ZNF385D: variants seen among roughly 807,000 people sequenced by gnomAD.
ZNF385D encodes the protein zinc finger protein 385D.
A neutral mutation model predicts 35.8 loss-of-function variants in ZNF385D; 15 were observed. The ratio of observed to expected loss-of-function variants is 0.42; its 90% CI spans 0.28 to 0.64. ZNF385D has a LOEUF of 0.64. Ranked by LOEUF, ZNF385D falls within the 30% of genes least tolerant of loss-of-function variation. The pLI, the probability that ZNF385D is intolerant of heterozygous loss-of-function variation, is 0.23. For synonymous variants in ZNF385D, 212 were observed against 186.8 expected (o/e 1.13, Z -1.10); for missense variants, 474 against 494.6 (o/e 0.96, Z 0.39).
At chr3:22,071,469 CA>C (rs1169123616) in intron 3 of ZNF385D, among the ~76,000 whole-genome samples, 14 of 152,290 alleles carry the variant, frequency 9.2e-5, no homozygotes, top group Admixed American at 3.3e-4. Context: ...ATTTATCTCT[CA>C]ACTGCACTTC....
At chr3:21,811,546 A>T (rs1443983142) in intron 3 of ZNF385D, among the ~76,000 whole-genome samples, 1 of 152,204 alleles carries the variant, frequency 6.6e-6, no homozygotes, top group Non-Finnish European at 1.5e-5. Context: ...AAAATACAAA[A>T]CAAAATGGAG....
intron 5 of ZNF385D, among the ~76,000 whole-genome samples, chr3:21,429,616 C>T (rs907595868): frequency 6.6e-5 from 10 of 151,902 alleles, no homozygotes; most frequent in African/African-American, 1.9e-4. Context: ...TTAAGTCTCT[C>T]GATTCACAGT....
chr3:22,086,572 A>T (rs942036559), intron 3 of ZNF385D, among the ~76,000 whole-genome samples: 1 of 152,198 alleles, frequency 6.6e-6, no homozygotes, highest in African/African-American at 2.4e-5. Context: ...ATGGAAGAAC[A>T]TTCCATGCTC....
chr3:22,076,460 A>T (rs1231151056), intron 3 of ZNF385D, among the ~76,000 whole-genome samples: 1 of 151,904 alleles, frequency 6.6e-6, no homozygotes, highest in Non-Finnish European at 1.5e-5. Context: ...TCAGCTTAAG[A>T]TTCATCTCCC....
In ZNF385D at chr3:21,539,583, C is replaced by A. The variant is rs2062123021; in HGVS notation, c.276+24991G>T. ...TTGTACTCTAAATGTTAAAATGATTCTCTAAATTATTGTTTCAGATTTTAT... is the reference window on the plus strand; with the variant it reads ...TTGTACTCTAAATGTTAAAATGATTATCTAAATTATTGTTTCAGATTTTAT... On this transcript the variant is annotated intron_variant, in intron 3 of 7. Coordinates refer to ENST00000281523, the MANE Select transcript of ZNF385D (RefSeq NM_024697.3). The surrounding 1 kb of genome is among the most constrained non-coding windows in gnomAD (Gnocchi z 4.0). Among the ~76,000 whole-genome samples, 1 of 151,836 alleles carries A rather than the reference C, an allele frequency of 6.6e-6. No homozygotes were observed. Among genetic ancestry groups the A allele is most frequent in the South Asian group, 2.1e-4 (1 of 4,816 alleles).
chr3:22,083,731 A>C (rs781473696), intron 3 of ZNF385D, among the ~76,000 whole-genome samples: 1 of 152,312 alleles, frequency 6.6e-6, no homozygotes, highest in Admixed American at 6.5e-5. Flanking sequence ...AATACAGAGA[A>C]CACCACAAAG....
At chr3:21,480,323 G>C (rs546623955) in intron 4 of ZNF385D, among the ~76,000 whole-genome samples, 2 of 151,908 alleles carry the variant, frequency 1.3e-5, no homozygotes, top group African/African-American at 4.8e-5. Flanking sequence ...GGCTGATCTC[G>C]AACTCCTGAC....
intron 3 of ZNF385D, among the ~76,000 whole-genome samples, chr3:21,856,644 C>T (rs1696729635): frequency 6.6e-6 from 1 of 151,906 alleles, no homozygotes; most frequent in African/African-American, 2.4e-5. Flanking sequence ...AATCTGACCA[C>T]ACACTCTTTC....
intron 4 of ZNF385D, among the ~76,000 whole-genome samples, chr3:21,461,536 A>G (rs544432631): frequency 1.1e-4 from 17 of 152,284 alleles, no homozygotes; most frequent in African/African-American, 4.1e-4. Flanking sequence ...CAATGGAGCT[A>G]GACTCTATCT....
intron 2 of ZNF385D, among the ~76,000 whole-genome samples, chr3:21,566,086 G>GAAT (rs2063136506): frequency 1.3e-5 from 2 of 152,080 alleles, no homozygotes; most frequent in African/African-American, 4.8e-5. Context: ...ATACGGTTCT[G>GAAT]AATAATAACA....
At chr3:22,233,336 T>C (rs573087803) in intron 2 of ZNF385D, among the ~76,000 whole-genome samples, 1 of 152,264 alleles carries the variant, frequency 6.6e-6, no homozygotes, top group African/African-American at 2.4e-5. Flanking sequence ...GTAAGTACTA[T>C]ATTATTTCAC....
intron 2 of ZNF385D, among the ~76,000 whole-genome samples, chr3:22,238,742 A>AT (rs1283109772): frequency 6.7e-6 from 1 of 149,446 alleles, no homozygotes; most frequent in Non-Finnish European, 1.5e-5. Context: ...TTATATATAG[A>AT]TTTTTTTTTA....
chr3:21,674,132 A>G (rs924264841), intron 1 of ZNF385D, among the ~76,000 whole-genome samples: 1 of 152,130 alleles, frequency 6.6e-6, no homozygotes, highest in South Asian at 2.1e-4. Flanking sequence ...TGTTTAGAAA[A>G]GGAAAGAATG....
intron 3 of ZNF385D, among the ~76,000 whole-genome samples, chr3:21,997,707 T>C (rs975327382): frequency 5.9e-5 from 9 of 152,136 alleles, no homozygotes; most frequent in African/African-American, 2.2e-4. Flanking sequence ...TAACTTTAGA[T>C]ACCAAAAGGA....
intron 4 of ZNF385D, among the ~76,000 whole-genome samples, chr3:21,496,923 GACAAACCCATACCCAACATCA>G (rs1705940996): frequency 1.3e-5 from 2 of 152,064 alleles, no homozygotes; most frequent in Non-Finnish European, 2.9e-5. Context: ...AGCTGTGCAT[GACAAACCCATACCCAACATCA>G]TACTGAATGG....
chr3:22,081,851 A>T (rs1015063313), intron 3 of ZNF385D, among the ~76,000 whole-genome samples: 5 of 152,162 alleles, frequency 3.3e-5, no homozygotes, highest in African/African-American at 1.2e-4. Flanking sequence ...GTATGAATTC[A>T]CTGAAATTCC....
chr3:22,082,274 G>A (rs1700792402), intron 3 of ZNF385D, among the ~76,000 whole-genome samples: 1 of 152,034 alleles, frequency 6.6e-6, no homozygotes, highest in African/African-American at 2.4e-5. Flanking sequence ...AAGTGCAAGG[G>A]GTCAGGGAAT....
At chr3:22,060,132 C>A (rs1699615643) in intron 3 of ZNF385D, among the ~76,000 whole-genome samples, 1 of 152,176 alleles carries the variant, frequency 6.6e-6, no homozygotes, top group Non-Finnish European at 1.5e-5. Context: ...ACACCCTTAA[C>A]TCCCCTAATT....
upstream of ZNF385D, among the ~76,000 whole-genome samples, chr3:21,753,486 T>C (rs1488773364): frequency 1.3e-5 from 2 of 152,204 alleles, no homozygotes; most frequent in African/African-American, 4.8e-5. Context: ...AAACAGCATG[T>C]AGCCTTTGAA....
Sources: allele counts gnomAD v4.1 joint callset (sites outside exome capture counted in the v4.1 genomes callset), GRCh38; gene constraint gnomAD v4.1.1; non-coding constraint Gnocchi (gnomAD v3.1); transcripts MANE v1.5; gene names NCBI Gene and HGNC (gene_info 2026-07-23, HGNC 2026-07-21).